The following MPPED1 variants were observed in gnomAD, a reference collection of about 807,000 sequenced individuals.
The protein encoded by MPPED1 is metallophosphoesterase domain-containing protein 1.
In MPPED1, 16 loss-of-function variants were observed where a neutral mutation model predicts 36.2. The observed-to-expected ratio is 0.44, with a 90% CI of 0.30 to 0.67. The LOEUF is 0.67. MPPED1 is among the 30% of genes least tolerant of loss of function. The pLI is 0.10. For missense variants in MPPED1, 307 were observed against 453.4 expected (o/e 0.68, Z 2.93); for synonymous variants, 199 against 191.3 (o/e 1.04, Z -0.33).
rs147163171 is a variant in MPPED1, at chr22:43,416,000, G to A, written c.-79+3842G>A. ...TCATTTCATTCTTTTGCATTTTCCGGACAGTGCTGCAGTCTGCAAGCCTGC... is the reference window on the plus strand; with the variant it reads ...TCATTTCATTCTTTTGCATTTTCCGAACAGTGCTGCAGTCTGCAAGCCTGC... On this transcript the variant is annotated intron_variant, in intron 1 of 6. Coordinates refer to ENST00000443721, the MANE Select transcript of MPPED1 (RefSeq NM_001044370.2). Among the ~76,000 whole-genome samples the A allele has an allele frequency of 8.2e-3, 1,254 of 152,266 alleles. 5 individuals are homozygous for A. The highest frequency in any genetic ancestry group is 0.013 in the Non-Finnish European group (888 of 68,024).
chr22:43,491,378 G>C (rs1932076625), intron 4 of MPPED1, among the ~76,000 whole-genome samples: 2 of 152,144 alleles, frequency 1.3e-5, no homozygotes, highest in South Asian at 4.1e-4. Flanking sequence ...TAATGGTAGT[G>C]GTGATGATGG....
At chr22:43,463,331 CTTTT>C (rs3047468) in intron 3 of MPPED1, among the ~76,000 whole-genome samples, 4 of 121,060 alleles carry the variant, frequency 3.3e-5, no homozygotes, top group African/African-American at 6.4e-5. Context: ...ATGATTTTTT[CTTTT>C]TTTTTTTTTT....
intron 1 of MPPED1, chr22:43,417,877 C>T (rs565084674): frequency 5.8e-5 from 21 of 363,028 alleles, no homozygotes; most frequent in East Asian, 5.1e-4. Flanking sequence ...CAAGAGGAGA[C>T]GGAGCCAAGG....
At chr22:43,447,802 T>C (rs1034301318) in intron 3 of MPPED1, among the ~76,000 whole-genome samples, 5 of 143,312 alleles carry the variant, frequency 3.5e-5, no homozygotes, top group African/African-American at 5.1e-5. Flanking sequence ...AGCACACTTA[T>C]ATATATATAT....
chr22:43,440,825 C>G (rs556746050), intron 3 of MPPED1, among the ~76,000 whole-genome samples: 1 of 152,306 alleles, frequency 6.6e-6, no homozygotes, highest in Admixed American at 6.5e-5. Context: ...CTCCTCCCCT[C>G]AGCTCTGCGG....
intron 2 of MPPED1, among the ~76,000 whole-genome samples, chr22:43,429,012 G>A (rs967869123): frequency 3.9e-5 from 6 of 152,138 alleles, no homozygotes; most frequent in South Asian, 2.1e-4. Flanking sequence ...TTTAAAAGTC[G>A]TTATGGCAGA....
At chr22:43,447,884 T>TATATATATATATATATATA (rs1491157280) in intron 3 of MPPED1, among the ~76,000 whole-genome samples, 65 of 46,152 alleles carry the variant, frequency 1.4e-3, no homozygotes, top group African/African-American at 4.8e-3. Flanking sequence ...TATATATATA[T>TATATATATATATATATATA]TTTTTTTTTT....
chr22:43,477,508 G>C (rs1931613523), intron 4 of MPPED1, among the ~76,000 whole-genome samples: 1 of 152,226 alleles, frequency 6.6e-6, no homozygotes, highest in South Asian at 2.1e-4. Context: ...CCATGCCCCA[G>C]CAGAGAGTGT....
intron 3 of MPPED1, among the ~76,000 whole-genome samples, chr22:43,456,826 G>T (rs552396208): frequency 6.6e-6 from 1 of 152,242 alleles, no homozygotes; most frequent in East Asian, 1.9e-4. Context: ...AATCATGAAA[G>T]GGTGTTTTAT....
rs1932807130 is a variant in MPPED1, at chr22:43,506,125, C to T, written c.*509C>T. On this transcript the variant is annotated 3_prime_UTR_variant, in exon 7 of 7. Transcript: ENST00000443721. The stretch of plus-strand genomic sequence containing the variant: ...GAGACAGGCCCAAGGCGGAGGCCCT[C>T]CGAGGGAGCATTTAGGGACATCTCA... The T allele has an allele frequency of 6.5e-6, 1 of 153,198 alleles. No individual in the cohort carries two copies. Among genetic ancestry groups the T allele is most frequent in the Non-Finnish European group, 1.5e-5 (1 of 68,516 alleles). The allele number at this position is 153,198 out of a possible 1,614,324, so 9.5% of individuals were successfully genotyped here.
intron 4 of MPPED1, among the ~76,000 whole-genome samples, chr22:43,487,613 G>C (rs1488137375): frequency 6.6e-6 from 1 of 152,182 alleles, no homozygotes; most frequent in Non-Finnish European, 1.5e-5. Context: ...GGGGTTAAGA[G>C]GGGAACTGGC....
intron 5 of MPPED1, among the ~76,000 whole-genome samples, chr22:43,499,082 G>A (rs1322489766): frequency 6.6e-6 from 1 of 151,062 alleles, no homozygotes; most frequent in Non-Finnish European, 1.5e-5. Context: ...GGTGGTGATG[G>A]TGGAGGTGGT....
At chr22:43,434,257 A>G (rs912246186) in intron 2 of MPPED1, among the ~76,000 whole-genome samples, 2 of 152,220 alleles carry the variant, frequency 1.3e-5, no homozygotes, top group Non-Finnish European at 2.9e-5. Flanking sequence ...TGACTCCAGG[A>G]GTGTTTTCTG....
intron 5 of MPPED1, among the ~76,000 whole-genome samples, chr22:43,499,553 GGTGGAGGTGGTGGTGGTGGTA>G (rs1932559456): frequency 3.5e-5 from 5 of 144,310 alleles, no homozygotes; most frequent in Admixed American, 1.4e-4. Flanking sequence ...GGTGGGTGGT[GGTGGAGGTGGTGGTGGTGGTA>G]GTGGAGGTGG....
At position 43,474,723 on chromosome 22, in the gene MPPED1, T is replaced by A; in HGVS notation, c.407-13T>A. Reference sequence around the variant, plus strand: ...GCTGTGTGCTGTGTGTCTGTCTGTGTCCACCCCTGCAGGCAGCCTGCCCTA... The same window carrying A: ...GCTGTGTGCTGTGTGTCTGTCTGTGACCACCCCTGCAGGCAGCCTGCCCTA... On this transcript the variant is annotated splice_polypyrimidine_tract_variant and intron_variant, in intron 3 of 6. Transcript: ENST00000443721. The surrounding 1 kb of genome is among the most constrained non-coding windows in gnomAD (Gnocchi z 5.2). 1 of 1,613,364 alleles carries A rather than the reference T, an allele frequency of 6.2e-7. No homozygotes were observed. Among genetic ancestry groups the A allele is most frequent in the Non-Finnish European group, 8.5e-7 (1 of 1,179,500 alleles).
intron 3 of MPPED1, among the ~76,000 whole-genome samples, chr22:43,472,577 T>C (rs1033613345): frequency 1.3e-5 from 2 of 152,136 alleles, no homozygotes; most frequent in African/African-American, 2.4e-5. Flanking sequence ...CGCCCCAGAG[T>C]TGATAAATCC....
intron 1 of MPPED1, among the ~76,000 whole-genome samples, chr22:43,421,722 C>T (rs747657800): frequency 6.6e-6 from 1 of 152,326 alleles, no homozygotes; most frequent in Middle Eastern, 3.4e-3. Context: ...ATCCATGCCT[C>T]CATCCATCCG....
chr22:43,494,152 C>T (rs1189138330), intron 4 of MPPED1, among the ~76,000 whole-genome samples: 1 of 152,196 alleles, frequency 6.6e-6, no homozygotes, highest in African/African-American at 2.4e-5. Context: ...TCTCCCACCC[C>T]ATCCTCTTGA....
intron 4 of MPPED1, among the ~76,000 whole-genome samples, chr22:43,493,311 A>G (rs1039901849): frequency 4.6e-5 from 7 of 152,232 alleles, no homozygotes; most frequent in Non-Finnish European, 7.3e-5. Flanking sequence ...GGTTCCAAGG[A>G]GGTGCATTGG....
Sources: gnomAD v4.1 joint callset for allele counts (sites outside exome capture counted in the v4.1 genomes callset) on GRCh38, gnomAD v4.1.1 for gene constraint, Gnocchi (gnomAD v3.1) non-coding constraint, MANE v1.5 for transcripts, NCBI Gene and HGNC (gene_info 2026-07-23, HGNC 2026-07-21) for gene names.